The following WDR25 variants were observed in gnomAD, a reference collection of about 807,000 sequenced individuals.
The protein encoded by WDR25 is WD repeat-containing protein 25.
WDR25 carries 35 observed loss-of-function variants against 47.7 expected under a neutral mutation model. That is an observed-to-expected ratio of 0.73 (90% CI 0.56 to 0.97). The LOEUF (loss-of-function observed/expected upper bound fraction) is 0.97, where lower values mean the gene tolerates loss of function less well. WDR25 is among the 50% of genes least tolerant of loss of function. The pLI is 0.00. For synonymous variants in WDR25, 248 were observed against 278.9 expected (o/e 0.89, Z 1.10); for missense variants, 634 against 704.7 (o/e 0.90, Z 1.14).
intron 2 of WDR25, among the ~76,000 whole-genome samples, chr14:100,431,672 A>C (rs191053744): frequency 1.2e-3 from 181 of 148,844 alleles, no homozygotes; most frequent in African/African-American, 4.4e-3. Flanking sequence ...TTAGCCTCCC[A>C]AGTAGCTGGG....
chr14:100,465,393 C>T (rs954248924), intron 2 of WDR25, among the ~76,000 whole-genome samples: 4 of 152,202 alleles, frequency 2.6e-5, no homozygotes, highest in African/African-American at 4.8e-5. Context: ...CACCACCATT[C>T]TACTTTCTAT....
chr14:100,479,641 C>G (rs1900134286), intron 3 of WDR25, among the ~76,000 whole-genome samples: 1 of 152,140 alleles, frequency 6.6e-6, no homozygotes, highest in Non-Finnish European at 1.5e-5. Context: ...AAAAAGTTAT[C>G]TTACTACCCC....
At position 100,523,109 on chromosome 14, in the gene WDR25, G is replaced by A. The variant is rs2029941264; in HGVS notation, c.1102-2761G>A. Among the ~76,000 whole-genome samples, 2 of 152,342 alleles carry A rather than the reference G, an allele frequency of 1.3e-5. No individual in the cohort carries two copies. The highest frequency in any genetic ancestry group is 1.9e-4 in the East Asian group (1 of 5,186). On this transcript the variant is annotated intron_variant, in intron 4 of 6. Coordinates refer to ENST00000402312, the MANE Select transcript of WDR25 (RefSeq NM_001161476.3). This position sits in a 1 kb window ranked among gnomAD's most constrained non-coding sequence, Gnocchi z 4.7. Reference sequence around the variant, plus strand: ...TGCCAGGATGTTGCTGGGAGCCGGAGGACCCTGGATTGCTACTTTTAAAGT... The same window carrying A: ...TGCCAGGATGTTGCTGGGAGCCGGAAGACCCTGGATTGCTACTTTTAAAGT...
At chr14:100,524,431 G>T (rs888705927) in intron 4 of WDR25, among the ~76,000 whole-genome samples, 1 of 152,192 alleles carries the variant, frequency 6.6e-6, no homozygotes, top group Non-Finnish European at 1.5e-5. Context: ...TGATATCAAG[G>T]CCATGTGGGA....
At chr14:100,511,546 TTC>T (rs1901312299) in intron 4 of WDR25, among the ~76,000 whole-genome samples, 1 of 152,118 alleles carries the variant, frequency 6.6e-6, no homozygotes, top group Non-Finnish European at 1.5e-5. Context: ...CTCATCTATT[TTC>T]TCTCTTCCTC....
At chr14:100,501,392 G>T (rs1457924824) in intron 4 of WDR25, among the ~76,000 whole-genome samples, 1 of 152,180 alleles carries the variant, frequency 6.6e-6, no homozygotes, top group East Asian at 1.9e-4. Flanking sequence ...ATCATGAGCT[G>T]TCTTCAGTTT....
At chr14:100,389,813 C>T (rs1465060602) in intron 2 of WDR25, among the ~76,000 whole-genome samples, 3 of 152,214 alleles carry the variant, frequency 2.0e-5, no homozygotes, top group Non-Finnish European at 4.4e-5. Flanking sequence ...TCCAGGCCTG[C>T]CTTTCCTCGC....
chr14:100,380,431 A>C (rs1055694092), intron 1 of WDR25, among the ~76,000 whole-genome samples: 1 of 151,830 alleles, frequency 6.6e-6, no homozygotes, highest in African/African-American at 2.4e-5. Context: ...CAAAAATTTT[A>C]TCTTCTAACT....
At chr14:100,429,466 C>T (rs1255758415) in intron 2 of WDR25, among the ~76,000 whole-genome samples, 2 of 152,160 alleles carry the variant, frequency 1.3e-5, no homozygotes, top group African/African-American at 4.8e-5. Flanking sequence ...TGTTCATCTG[C>T]CCTGAGGCCT....
chr14:100,434,541 T>A (rs1047068122), intron 2 of WDR25, among the ~76,000 whole-genome samples: 1 of 152,238 alleles, frequency 6.6e-6, no homozygotes, highest in Non-Finnish European at 1.5e-5. Context: ...GCTGCCCCCT[T>A]TCAGTGTGGT....
rs8004719 is a variant in WDR25, at chr14:100,404,629, G to A, written c.822+22883G>A. On this transcript the variant is annotated intron_variant, in intron 2 of 6. Transcript: ENST00000402312. The surrounding 1 kb of genome is among the most constrained non-coding windows in gnomAD (Gnocchi z 4.6). ...GTGCTTCCTCCCAGGCATAGGGTCC[G>A]CTGGAGGCCTGGCGTTCCCATGGGG... is the stretch of plus-strand genomic sequence containing the variant. Among the ~76,000 whole-genome samples, 12,000 of 152,180 alleles carry A rather than the reference G, an allele frequency of 0.079. 1,452 individuals are homozygous for A. The highest frequency in any genetic ancestry group is 0.26 in the African/African-American group (10,870 of 41,468).
chr14:100,484,236 A>G (rs1310365680), intron 4 of WDR25, 112 bp downstream of exon 4: 1 of 1,208,780 alleles, frequency 8.3e-7, no homozygotes, highest in South Asian at 1.8e-5. Context: ...TGGAATAATT[A>G]CCACTTAATA....
intron 2 of WDR25, among the ~76,000 whole-genome samples, chr14:100,426,614 C>G (rs762150166): frequency 1.8e-4 from 27 of 152,360 alleles, no homozygotes; most frequent in Middle Eastern, 3.4e-3. Flanking sequence ...GCTCTTCACT[C>G]TGCCCCTTCC....
At chr14:100,376,971 T>C (rs1896705703) in intron 1 of WDR25, among the ~76,000 whole-genome samples, 1 of 152,256 alleles carries the variant, frequency 6.6e-6, no homozygotes, top group Non-Finnish European at 1.5e-5. Context: ...GCTGACTTGC[T>C]GATAGTGACT....
intron 4 of WDR25, among the ~76,000 whole-genome samples, chr14:100,494,319 C>G (rs1900661825): frequency 1.3e-5 from 2 of 152,114 alleles, no homozygotes; most frequent in African/African-American, 4.8e-5. Flanking sequence ...TTACAGTGCC[C>G]TTCTGTTTTT....
chr14:100,439,461 A>C (rs534525613), intron 2 of WDR25, among the ~76,000 whole-genome samples: 54 of 152,332 alleles, frequency 3.5e-4, no homozygotes, highest in African/African-American at 1.3e-3. Flanking sequence ...AAGAGCCGTT[A>C]GTGTTTATGA....
At position 100,530,003 on chromosome 14, in the gene WDR25, AC is replaced by A; in HGVS notation, c.1599del (p.Cys534AlafsTer7). The A allele has an allele frequency of 6.2e-7, 1 of 1,613,158 alleles. No homozygotes were observed. On this transcript the variant is annotated frameshift_variant, in exon 7 of 7. Transcript: ENST00000402312. LOFTEE classifies it high-confidence loss of function. ...CCCCGTGCTGCCCTCCGTCCTCGCC[AC>A]CTGCTCCTGGGGAGGGGACATGAAG... ...YHPVLPSVLA[T>X]CSWGGDMKIW...
At position 100,484,081 on chromosome 14, in the gene WDR25, G is replaced by A; in HGVS notation, c.1058G>A (p.Gly353Asp). ...PKDHNIFLCGGFSSEMKAWDI... is the reference protein window; with the variant it reads ...PKDHNIFLCGDFSSEMKAWDI... Reference sequence around the variant, plus strand: ...GACCACAACATCTTTTTATGTGGAGGCTTCAGCTCTGAAATGAAAGCTTGG... The same window carrying A: ...GACCACAACATCTTTTTATGTGGAGACTTCAGCTCTGAAATGAAAGCTTGG... Residue 353 changes from glycine to aspartate, a missense_variant, in exon 4 of 7, where the codon GGC becomes GAC. Transcript: ENST00000402312. The A allele has an allele frequency of 6.2e-7, 1 of 1,613,922 alleles. No homozygotes were observed. Among genetic ancestry groups the A allele is most frequent in the Non-Finnish European group, 8.5e-7 (1 of 1,179,956 alleles).
At chr14:100,477,622 C>G (rs1264310198) in intron 3 of WDR25, among the ~76,000 whole-genome samples, 1 of 152,136 alleles carries the variant, frequency 6.6e-6, no homozygotes, top group African/African-American at 2.4e-5. Flanking sequence ...CAAGTTAAGA[C>G]CTTCTCCTCT....
Sources: gnomAD v4.1 joint callset for allele counts (sites outside exome capture counted in the v4.1 genomes callset) on GRCh38, gnomAD v4.1.1 for gene constraint, Gnocchi (gnomAD v3.1) non-coding constraint, MANE v1.5 for transcripts, NCBI Gene and HGNC (gene_info 2026-07-23, HGNC 2026-07-21) for gene names.